Variants in PAQR5 observed in about 807,000 individuals in gnomAD.
PAQR5 encodes the protein progestin and adipoQ receptor family member 5.
In PAQR5, 20 loss-of-function variants were observed where a neutral mutation model predicts 34.5. That is an observed-to-expected ratio of 0.58 (90% CI 0.41 to 0.84). PAQR5 has a LOEUF of 0.84. PAQR5 is among the 40% of genes least tolerant of loss of function. PAQR5 has a pLI of 0.00. For missense variants in PAQR5, 378 were observed against 412.7 expected (o/e 0.92, Z 0.73); for synonymous variants, 131 against 155.6 (o/e 0.84, Z 1.18).
intron 1 of PAQR5, among the ~76,000 whole-genome samples, chr15:69,334,220 G>T (rs1042300730): frequency 6.6e-6 from 1 of 152,064 alleles, no homozygotes; most frequent in Non-Finnish European, 1.5e-5. Context: ...AGTAGAGATG[G>T]GGTTTCACCA....
intron 2 of PAQR5, among the ~76,000 whole-genome samples, chr15:69,357,655 C>T (rs1389616606): frequency 1.3e-5 from 2 of 152,160 alleles, no homozygotes; most frequent in African/African-American, 4.8e-5. Context: ...TGCTTCCACC[C>T]TTTGAGTATT....
chr15:69,383,466 T>C, intron 4 of PAQR5, among the ~76,000 whole-genome samples: 1 of 119,794 alleles, frequency 8.3e-6, no homozygotes, highest in Non-Finnish European at 1.7e-5. Flanking sequence ...TCTGTGCTCA[T>C]GGTGGAGGGT....
chr15:69,396,781 CCT>C (rs1419167040), intron 6 of PAQR5: 1 of 242,814 alleles, frequency 4.1e-6, no homozygotes, highest in Non-Finnish European at 8.1e-6. Context: ...CAGCTGAGGC[CCT>C]GTCATGTTCT....
At chr15:69,388,429 C>T (rs545649203) in intron 5 of PAQR5, among the ~76,000 whole-genome samples, 6 of 152,350 alleles carry the variant, frequency 3.9e-5, no homozygotes, top group Non-Finnish European at 5.9e-5. Flanking sequence ...TCCCGAAAGC[C>T]TGCCCCACAC....
rs147214466 is a variant in PAQR5 at position 69,363,031 on chromosome 15, G to T, written c.51+2900G>T. 4.4e-4 allele frequency among the ~76,000 whole-genome samples: 67 copies of T among 152,242 alleles called. 1 individual carries two copies. In the East Asian group the frequency reaches 0.013, roughly 29 times the overall value. Reference sequence around the variant, plus strand: ...CTTTTTTATGGAGTGGCAGGTGCCTGCTCCCTTCCCCGAGCTCCTTCAGCT... The same window carrying T: ...CTTTTTTATGGAGTGGCAGGTGCCTTCTCCCTTCCCCGAGCTCCTTCAGCT... On this transcript the variant is annotated intron_variant, in intron 3 of 8. Coordinates refer to ENST00000395407, the MANE Select transcript of PAQR5 (RefSeq NM_017705.4).
rs987661698 is a variant in PAQR5, at chr15:69,404,292, A to C, written c.*470A>C. 8.7e-5 allele frequency: 14 copies of C among 161,834 alleles called. No homozygotes were observed. The South Asian group carries it at 2.5e-3, about 29-fold the overall frequency. The allele number at this position is 161,834 out of a possible 1,614,324, so 10.0% of individuals were successfully genotyped here. A position where few individuals can be genotyped will look rare whatever the true frequency, so the allele number is the denominator to read the frequency against. ...GTCACTGGGAGGACCTGTGAAAGAA[A>C]GTTGGTCACTGAGTGCCTTGGGGAC... On this transcript the variant is annotated 3_prime_UTR_variant, in exon 9 of 9. Coordinates refer to ENST00000395407, the MANE Select transcript of PAQR5 (RefSeq NM_017705.4).
chr15:69,349,087 T>C (rs751000645), intron 2 of PAQR5, among the ~76,000 whole-genome samples: 15 of 151,990 alleles, frequency 9.9e-5, no homozygotes, highest in Admixed American at 2.6e-4. Flanking sequence ...CAGGGGAGAT[T>C]GGCTTGTGAG....
In PAQR5 at chr15:69,407,599, C is replaced by G. The variant is rs965947959; in HGVS notation, c.*3777C>G. 2.0e-5 allele frequency: 3 copies of G among 152,102 alleles called. No individual in the cohort carries two copies. The highest frequency in any genetic ancestry group is 7.2e-5 in the African/African-American group (3 of 41,398). 9.4% of individuals were successfully genotyped at this position (152,102 alleles called of 1,614,324 possible). A position where few individuals can be genotyped will look rare whatever the true frequency, so the allele number is the denominator to read the frequency against. On this transcript the variant is annotated 3_prime_UTR_variant, in exon 9 of 9. Coordinates refer to ENST00000395407, the MANE Select transcript of PAQR5 (RefSeq NM_017705.4). ...TACACTAATGTCTGGTTTTCTTGAACTATGTGAGAGAAAAAAATAAACAGA... is the reference window on the plus strand; with the variant it reads ...TACACTAATGTCTGGTTTTCTTGAAGTATGTGAGAGAAAAAAATAAACAGA...
chr15:69,326,267 A>G (rs1388203978), intron 1 of PAQR5, among the ~76,000 whole-genome samples: 3 of 152,140 alleles, frequency 2.0e-5, no homozygotes, highest in Non-Finnish European at 4.4e-5. Flanking sequence ...CAAGCCTGGC[A>G]GGAGTAGTGA....
intron 2 of PAQR5, among the ~76,000 whole-genome samples, chr15:69,350,390 C>T (rs1358078426): frequency 6.6e-6 from 1 of 152,186 alleles, no homozygotes; most frequent in Non-Finnish European, 1.5e-5. Context: ...CACCTGTAAT[C>T]CCAGCACTTT....
At chr15:69,352,502 C>T (rs2054947009) in intron 2 of PAQR5, among the ~76,000 whole-genome samples, 1 of 152,224 alleles carries the variant, frequency 6.6e-6, no homozygotes, top group Admixed American at 6.5e-5. Context: ...GCTACTCTGC[C>T]TTCTCTCTTC....
chr15:69,376,352 A>G (rs1023978181), intron 3 of PAQR5, among the ~76,000 whole-genome samples: 2 of 152,230 alleles, frequency 1.3e-5, no homozygotes, highest in Non-Finnish European at 2.9e-5. Context: ...CTTTCAATGT[A>G]TGTACCATGC....
Position 69,405,046 on chromosome 15 carries a change from T to A in PAQR5, c.*1224T>A, listed in dbSNP as rs2056734631. On this transcript the variant is annotated 3_prime_UTR_variant, in exon 9 of 9. Transcript: ENST00000395407. Reference sequence around the variant, plus strand: ...TTTTAGCAACTCACCAACTAAGGCGTAACCTCATTTTATGTTCCAGCGTTT... The same window carrying A: ...TTTTAGCAACTCACCAACTAAGGCGAAACCTCATTTTATGTTCCAGCGTTT... The A allele has an allele frequency of 2.5e-6, 1 of 398,520 alleles. No individual in the cohort carries two copies. The highest frequency in any genetic ancestry group is 4.4e-6 in the Non-Finnish European group (1 of 226,052). 24.7% of individuals were successfully genotyped at this position (398,520 alleles called of 1,614,324 possible). A position where few individuals can be genotyped will look rare whatever the true frequency, so the allele number is the denominator to read the frequency against.
chr15:69,317,728 T>C (rs2053987651), intron 1 of PAQR5, among the ~76,000 whole-genome samples: 1 of 152,162 alleles, frequency 6.6e-6, no homozygotes, highest in Admixed American at 6.5e-5. Flanking sequence ...TGGCCTGGCA[T>C]TGAAATGCAC....
chr15:69,307,067 G>A (rs2053733911), intron 1 of PAQR5, among the ~76,000 whole-genome samples: 1 of 151,128 alleles, frequency 6.6e-6, no homozygotes. Flanking sequence ...CTTTTTTAAG[G>A]CTGCATAATA....
intron 1 of PAQR5, among the ~76,000 whole-genome samples, chr15:69,336,019 A>C (rs2054508309): frequency 6.6e-6 from 1 of 152,208 alleles, no homozygotes; most frequent in Admixed American, 6.5e-5. Context: ...TCCTTTGGGT[A>C]AGTGGCAGGA....
Position 69,385,832 on chromosome 15 carries a change from A to G in PAQR5, c.385+950A>G, listed in dbSNP as rs1176678790. Among the ~76,000 whole-genome samples the G allele has an allele frequency of 2.0e-5, 3 of 151,332 alleles. No individual in the cohort carries two copies. The highest frequency in any genetic ancestry group is 4.4e-5 in the Non-Finnish European group (3 of 67,804). On this transcript the variant is annotated intron_variant, in intron 5 of 8. Coordinates refer to ENST00000395407, the MANE Select transcript of PAQR5 (RefSeq NM_017705.4). This position sits in a 1 kb window ranked among gnomAD's most constrained non-coding sequence, Gnocchi z 4.7. Reference sequence around the variant, plus strand: ...ACACATGCACATACACACACTCACCACATATACACAATACACTTACATGCA... The same window carrying G: ...ACACATGCACATACACACACTCACCGCATATACACAATACACTTACATGCA...
chr15:69,352,985 T>C (rs896754770), intron 2 of PAQR5, among the ~76,000 whole-genome samples: 1 of 152,216 alleles, frequency 6.6e-6, no homozygotes. Flanking sequence ...GTGGATAGAA[T>C]GACCTGTTCT....
intron 2 of PAQR5, among the ~76,000 whole-genome samples, chr15:69,350,105 A>G (rs2054874138): frequency 6.6e-6 from 1 of 152,242 alleles, no homozygotes. Flanking sequence ...TGGAAAAGTT[A>G]AATGCAGTGG....
Sources: gnomAD v4.1 joint callset for allele counts (sites outside exome capture counted in the v4.1 genomes callset) on GRCh38, gnomAD v4.1.1 for gene constraint, Gnocchi (gnomAD v3.1) non-coding constraint, MANE v1.5 for transcripts, NCBI Gene and HGNC (gene_info 2026-07-23, HGNC 2026-07-21) for gene names.